The following CADM2 variants were observed in gnomAD, a reference collection of about 807,000 sequenced individuals.
CADM2 encodes immunoglobulin superfamily member 4D.
CADM2 carries 12 observed loss-of-function variants against 49.8 expected under a neutral mutation model. The observed-to-expected ratio is 0.24, with a 90% CI of 0.15 to 0.39. The LOEUF (loss-of-function observed/expected upper bound fraction) is 0.39. Ranked by LOEUF, CADM2 falls within the 10% of genes least tolerant of loss-of-function variation. The pLI is 1.00. For synonymous variants in CADM2, 214 were observed against 175.4 expected (o/e 1.22, Z -1.74); for missense variants, 378 against 492.3 (o/e 0.77, Z 2.20).
At chr3:85,997,469 T>G (rs560537020) in intron 8 of CADM2, among the ~76,000 whole-genome samples, 1 of 152,252 alleles carries the variant, frequency 6.6e-6, no homozygotes, top group East Asian at 1.9e-4. Flanking sequence ...CTTGAACTAC[T>G]ACTGGCCACA....
intron 2 of CADM2, among the ~76,000 whole-genome samples, chr3:85,761,273 A>G (rs2069358484): frequency 6.6e-6 from 1 of 152,074 alleles, no homozygotes; most frequent in Admixed American, 6.6e-5. Flanking sequence ...AGTAATTATC[A>G]GTTCTTTAAA....
intron 1 of CADM2, among the ~76,000 whole-genome samples, chr3:85,654,930 G>A (rs2065151447): frequency 6.6e-6 from 1 of 152,012 alleles, no homozygotes; most frequent in African/African-American, 2.4e-5. Context: ...TTGTAGAGTT[G>A]GAAAAAACTT....
At chr3:85,609,939 G>A (rs1050052109) in intron 1 of CADM2, among the ~76,000 whole-genome samples, 1 of 151,960 alleles carries the variant, frequency 6.6e-6, no homozygotes, top group Non-Finnish European at 1.5e-5. Context: ...TAGCAAAGAG[G>A]CACTACATTT....
At chr3:85,268,158 T>C (rs1008532540) in intron 1 of CADM2, among the ~76,000 whole-genome samples, 2 of 151,532 alleles carry the variant, frequency 1.3e-5, no homozygotes, top group South Asian at 4.1e-4. Flanking sequence ...ACCGATGTCT[T>C]AGGATGAACT....
intron 3 of CADM2, among the ~76,000 whole-genome samples, chr3:85,874,034 T>C (rs1002647685): frequency 6.6e-6 from 1 of 152,004 alleles, no homozygotes; most frequent in African/African-American, 2.4e-5. Flanking sequence ...TAATAAAATT[T>C]ATATTATTTT....
At chr3:85,682,800 G>A (rs1311925144) in intron 1 of CADM2, among the ~76,000 whole-genome samples, 1 of 151,934 alleles carries the variant, frequency 6.6e-6, no homozygotes, top group Non-Finnish European at 1.5e-5. Flanking sequence ...AAGTCATTTT[G>A]CATGTTTTTC....
intron 1 of CADM2, among the ~76,000 whole-genome samples, chr3:85,504,898 C>T (rs2107672376): frequency 6.6e-6 from 1 of 152,286 alleles, no homozygotes; most frequent in Admixed American, 6.5e-5. Flanking sequence ...CCCAGTACAC[C>T]CTCCGCAGCC....
intron 2 of CADM2, among the ~76,000 whole-genome samples, chr3:85,770,135 A>G (rs767336221): frequency 2.6e-5 from 4 of 152,100 alleles, no homozygotes; most frequent in Non-Finnish European, 5.9e-5. Flanking sequence ...TCAACTTTCT[A>G]GGCTTCAGTG....
At chr3:85,303,286 G>A (rs2044142948) in intron 1 of CADM2, among the ~76,000 whole-genome samples, 2 of 151,932 alleles carry the variant, frequency 1.3e-5, no homozygotes, top group Non-Finnish European at 2.9e-5. Context: ...CCCCGGTTCT[G>A]CAGTAGTGTA....
chr3:85,212,830 CTTTCTTTCTTTCTTTCTTTCTTTCTTTCT>C (rs2041815414), intron 1 of CADM2, among the ~76,000 whole-genome samples: 1 of 99,768 alleles, frequency 1.0e-5, no homozygotes, highest in South Asian at 3.3e-4. Context: ...TTCTTTCTTT[CTTTCTTTCTTTCTTTCTTTCTTTCTTTCT>C]TTCTTTCTTT....
intron 1 of CADM2, among the ~76,000 whole-genome samples, chr3:85,102,082 A>G (rs557824022): frequency 1.3e-5 from 2 of 152,262 alleles, no homozygotes; most frequent in African/African-American, 4.8e-5. Context: ...AAATAAATAA[A>G]TAAAAAAAGT....
chr3:85,375,239 A>G (rs2033520038), intron 1 of CADM2, among the ~76,000 whole-genome samples: 3 of 152,200 alleles, frequency 2.0e-5, no homozygotes. Context: ...ACTATGCCAA[A>G]TTGATACCAC....
chr3:85,184,406 C>T (rs1257999029), intron 1 of CADM2, among the ~76,000 whole-genome samples: 1 of 152,046 alleles, frequency 6.6e-6, no homozygotes, highest in South Asian at 2.1e-4. Flanking sequence ...TGACCTAATA[C>T]TTATTGCATT....
chr3:85,942,359 G>A (rs1489224430), intron 7 of CADM2, among the ~76,000 whole-genome samples: 3 of 151,758 alleles, frequency 2.0e-5, no homozygotes, highest in African/African-American at 4.8e-5. Context: ...TATACCTTAA[G>A]TTCTAGGGTA....
chr3:86,016,433 A>C (rs1732243005), intron 8 of CADM2, among the ~76,000 whole-genome samples: 1 of 152,050 alleles, frequency 6.6e-6, no homozygotes, highest in African/African-American at 2.4e-5. Flanking sequence ...ACTTTGCTGA[A>C]ATTATTTTGA....
intron 1 of CADM2, among the ~76,000 whole-genome samples, chr3:85,618,892 TA>T (rs2063881319): frequency 6.6e-6 from 1 of 151,980 alleles, no homozygotes; most frequent in South Asian, 2.1e-4. Flanking sequence ...TATTTTTCTG[TA>T]AAAGAGGCAT....
chr3:85,740,568 T>C (rs964722853), intron 2 of CADM2, among the ~76,000 whole-genome samples: 1 of 152,228 alleles, frequency 6.6e-6, no homozygotes, highest in African/African-American at 2.4e-5. Context: ...TTTGCTTCTT[T>C]TTTTCTTTTC....
chr3:85,843,031 A>G (rs903237536), intron 3 of CADM2, among the ~76,000 whole-genome samples: 2 of 152,172 alleles, frequency 1.3e-5, no homozygotes, highest in African/African-American at 4.8e-5. Context: ...GTACCTATGT[A>G]TATTGGCAGA....
chr3:85,795,693 A>G (rs940030587), intron 2 of CADM2, among the ~76,000 whole-genome samples: 11 of 152,240 alleles, frequency 7.2e-5, no homozygotes, highest in Admixed American at 6.5e-4. Flanking sequence ...GGTATCAATA[A>G]GATAAGATAT....
Sources: allele counts gnomAD v4.1 joint callset (sites outside exome capture counted in the v4.1 genomes callset), GRCh38; gene constraint gnomAD v4.1.1; transcripts MANE v1.5; gene names NCBI Gene and HGNC (gene_info 2026-07-23, HGNC 2026-07-21).